Variants in SLC25A29 observed in about 807,000 individuals in gnomAD.
SLC25A29 encodes the protein solute carrier family 25 member 29, also known as mitochondrial basic amino acids transporter.
In SLC25A29, 13 loss-of-function variants were observed where a neutral mutation model predicts 10.0. That is an observed-to-expected ratio of 1.30 (90% CI 0.85 to 2.07). The LOEUF is 2.07. Ranked by LOEUF, SLC25A29 falls within the 30% of genes most tolerant of loss-of-function variation. The pLI, the probability that SLC25A29 is intolerant of heterozygous loss-of-function variation, is 0.00. For synonymous variants in SLC25A29, 244 were observed against 221.1 expected (o/e 1.10, Z -0.92); for missense variants, 475 against 447.6 (o/e 1.06, Z -0.55).
intron 1 of SLC25A29, among the ~76,000 whole-genome samples, chr14:100,301,231 T>C (rs928464709): frequency 6.6e-6 from 1 of 151,812 alleles, no homozygotes; most frequent in African/African-American, 2.4e-5. Flanking sequence ...GTCTTGCTAG[T>C]GCCGTTGCGC....
chr14:100,294,651 T>C (rs1180245507), intron 2 of SLC25A29: 2 of 152,144 alleles, frequency 1.3e-5, no homozygotes, highest in African/African-American at 4.8e-5. Context: ...AGCAGCTGTG[T>C]TGCTCAGAGT....
At chr14:100,299,407 G>A (rs1566805843) in intron 1 of SLC25A29, 1 of 997,234 alleles carries the variant, frequency 1.0e-6, no homozygotes, top group African/African-American at 1.7e-5. Flanking sequence ...CTCCCCCAGA[G>A]TGGCCACGGA....
chr14:100,286,311 CCAAA>C (rs1891541458), downstream of SLC25A29, among the ~76,000 whole-genome samples: 1 of 152,228 alleles, frequency 6.6e-6, no homozygotes, highest in Admixed American at 6.5e-5. Context: ...TGTCACAACA[CCAAA>C]CAGAGCCCAC....
In SLC25A29 at chr14:100,293,358, C is replaced by A. The variant is rs1187766281; in HGVS notation, c.98G>T (p.Ser33Ile). ...CCCGCGGTACTGAGGCTTCTCCACG[C>A]TCTGGACCTGAAGCCGTACCTGGAA... Reference protein sequence around the residue: ...DTVKVRLQVQSVEKPQYRGTL... With the variant: ...DTVKVRLQVQIVEKPQYRGTL... Residue 33 changes from serine to isoleucine, a missense_variant, in exon 3 of 4, where the codon AGC becomes ATC. Transcript: ENST00000359232. 2.5e-6 allele frequency: 4 copies of A among 1,613,148 alleles called. No homozygotes were observed. The highest frequency in any genetic ancestry group is 3.4e-6 in the Non-Finnish European group (4 of 1,179,978).
the SLC25A29 span, chr14:100,280,075 C>G: frequency 3.3e-5 from 5 of 152,214 alleles, no homozygotes; most frequent in Non-Finnish European, 7.3e-5. Flanking sequence ...TCTGGGGTTC[C>G]AAGAAAACAA....
chr14:100,302,121 C>T (rs919175168), intron 1 of SLC25A29, among the ~76,000 whole-genome samples: 9 of 151,846 alleles, frequency 5.9e-5, no homozygotes, highest in South Asian at 2.1e-4. Context: ...TCTCAGTTCA[C>T]TGAAACCTCC....
chr14:100,296,381 A>C, intron 2 of SLC25A29: 1 of 248,462 alleles, frequency 4.0e-6, no homozygotes, highest in Non-Finnish European at 8.1e-6. Context: ...GTGGGCTATG[A>C]TTGCACCACT....
chr14:100,288,122 C>A (rs1891582151), downstream of SLC25A29, among the ~76,000 whole-genome samples: 1 of 152,140 alleles, frequency 6.6e-6, no homozygotes, highest in South Asian at 2.1e-4. Flanking sequence ...GTGGCTCATG[C>A]CTGTAATCTC....
chr14:100,284,404 C>G, the SLC25A29 span, among the ~76,000 whole-genome samples: 1 of 152,186 alleles, frequency 6.6e-6, no homozygotes, highest in Non-Finnish European at 1.5e-5. Context: ...CCGTTCCCCT[C>G]GGTCCTTGCT....
At chr14:100,303,565 G>T (rs1490157862) in intron 1 of SLC25A29, among the ~76,000 whole-genome samples, 1 of 152,214 alleles carries the variant, frequency 6.6e-6, no homozygotes, top group Non-Finnish European at 1.5e-5. Flanking sequence ...TCGGCGAGGG[G>T]CTTGGTCTCC....
intron 2 of SLC25A29, 172 bp from the exon 3 acceptor site, chr14:100,293,549 G>T (rs1891931051): frequency 1.6e-6 from 1 of 607,276 alleles, no homozygotes; most frequent in East Asian, 2.8e-5. Context: ...TGCCTTCTCA[G>T]GATGGGGTGC....
rs114080294 is a variant in SLC25A29 at position 100,296,570 on chromosome 14, G to A, written c.78+2272C>T. 1,375 of 157,778 alleles carry A rather than the reference G, an allele frequency of 8.7e-3. 15 individuals carry two copies. Among genetic ancestry groups the A allele is most frequent in the African/African-American group, 0.031 (1,297 of 41,562 alleles). 9.8% of individuals were successfully genotyped at this position (157,778 alleles called of 1,614,324 possible). Reference sequence around the variant, plus strand: ...GCTCGCCACGCATGTGTTTTGCGACGACTTGTACACCTAGGATGTGTGCAC... The same window carrying A: ...GCTCGCCACGCATGTGTTTTGCGACAACTTGTACACCTAGGATGTGTGCAC... On this transcript the variant is annotated intron_variant, in intron 2 of 3. Transcript: ENST00000359232.
chr14:100,288,452 CAAGTT>C (rs1891589954), downstream of SLC25A29, among the ~76,000 whole-genome samples: 1 of 144,916 alleles, frequency 6.9e-6, no homozygotes, highest in Non-Finnish European at 1.5e-5. Flanking sequence ...AAGCCCAGAT[CAAGTT>C]GAGATTTCAA....
At chr14:100,290,285 G>A (rs1393086612), downstream of SLC25A29, among the ~76,000 whole-genome samples, 1 of 152,246 alleles carries the variant, frequency 6.6e-6, no homozygotes, top group Non-Finnish European at 1.5e-5. Flanking sequence ...GAGGAGCTAG[G>A]GAAGGGGCCC....
chr14:100,280,909 G>A, the SLC25A29 span: 3 of 151,852 alleles, frequency 2.0e-5, no homozygotes, highest in Admixed American at 6.6e-5. Flanking sequence ...AGGAAAACCT[G>A]GCCCCCTAAA....
In SLC25A29 at chr14:100,292,656, C is replaced by T. The variant is rs755331909; in HGVS notation, c.539G>A (p.Gly180Asp). Residue 180 changes from glycine to aspartate, a missense_variant, in exon 4 of 4, where the codon GGC becomes GAC. Gly to Asp is a moderately conservative substitution (Grantham distance 94, BLOSUM62 -1). Transcript: ENST00000359232. ...LTYDALTRAL[G>D]CEPGDRLLVP... The stretch of plus-strand genomic sequence containing the variant: ...CAGCAGGCGGTCGCCCGGCTCGCAG[C>T]CCAGCGCCCGCGTGAGAGCGTCATA... 3 of 1,597,902 alleles carry T rather than the reference C, an allele frequency of 1.9e-6. No individual in the cohort carries two copies. Among genetic ancestry groups the T allele is most frequent in the South Asian group, 1.1e-5 (1 of 88,938 alleles).
intron 1 of SLC25A29, chr14:100,305,582 G>A (rs1168229330): frequency 6.6e-6 from 1 of 152,232 alleles, no homozygotes; most frequent in Non-Finnish European, 1.5e-5. Context: ...CCAGAGCCGC[G>A]ACCGCGCCTC....
chr14:100,298,330 G>C (rs1303474765), intron 2 of SLC25A29: 2 of 159,098 alleles, frequency 1.3e-5, no homozygotes, highest in Admixed American at 1.2e-4. Context: ...TCCGTTCTGG[G>C]GGTCTGAGAA....
intron 1 of SLC25A29, among the ~76,000 whole-genome samples, chr14:100,302,382 G>C (rs1892622634): frequency 2.1e-5 from 3 of 142,632 alleles, no homozygotes; most frequent in Admixed American, 1.4e-4. Context: ...TTTTTTTTGA[G>C]ATAGTCTTGC....
Sources: allele counts gnomAD v4.1 joint callset (sites outside exome capture counted in the v4.1 genomes callset), GRCh38; gene constraint gnomAD v4.1.1; transcripts MANE v1.5; gene names NCBI Gene and HGNC (gene_info 2026-07-23, HGNC 2026-07-21).